Variants in GSS observed in about 807,000 individuals in gnomAD.
The protein encoded by GSS is glutathione synthetase, also known as GSH synthetase.
GSS carries 34 observed loss-of-function variants against 60.4 expected under a neutral mutation model. That is an observed-to-expected ratio of 0.56 (90% CI 0.43 to 0.75). GSS has a LOEUF of 0.75. Ranked by LOEUF, GSS falls within the 30% of genes least tolerant of loss-of-function variation. The probability of loss-of-function intolerance (pLI) is 0.00; values close to 1 mark genes in which losing one functional copy is unlikely to be tolerated. For missense variants in GSS, 499 were observed against 595.1 expected (o/e 0.84, Z 1.68); for synonymous variants, 224 against 239.0 (o/e 0.94, Z 0.58).
rs761942104 is a variant in GSS at position 34,945,950 on chromosome 20, T to C, written c.275+3A>G. The C allele has an allele frequency of 6.2e-7, 1 of 1,613,914 alleles. No homozygotes were observed. ...GGCCCCCCAATGCTTCACTGTCCCC[T>C]ACCTGGAAAGAGTTTGCTCCAGGAA... is the stretch of plus-strand genomic sequence containing the variant. On this transcript the variant is annotated splice_donor_region_variant and intron_variant, in intron 3 of 12. Transcript: ENST00000651619.
Position 34,929,463 on chromosome 20 carries a change from AG to A in GSS, c.1238del (p.Pro413LeufsTer28). ...PEPFENCLLRPGSPARVVQCI... is the reference protein window; with the variant it reads ...PEPFENCLLRXGSPARVVQCI... Reference sequence around the variant, plus strand: ...ACTGGACCACTCGGGCAGGGCTGCCAGGCCGTAGCAGGCAATTCTCAAAAGG... The same window carrying A: ...ACTGGACCACTCGGGCAGGGCTGCCAGCCGTAGCAGGCAATTCTCAAAAGG... On this transcript the variant is annotated frameshift_variant, in exon 12 of 13. Transcript: ENST00000651619. LOFTEE classifies it high-confidence loss of function. The A allele has an allele frequency of 6.2e-7, 1 of 1,614,082 alleles. No individual in the cohort carries two copies. The highest frequency in any genetic ancestry group is 8.5e-7 in the Non-Finnish European group (1 of 1,179,934).
rs35747685 is a variant in GSS, at chr20:34,928,738, T to C, written c.*90A>G. 1,725 of 1,445,878 alleles carry C rather than the reference T, an allele frequency of 1.2e-3. 16 individuals carry two copies. In the African/African-American group the frequency reaches 0.018, roughly 15 times the overall value. 89.6% of individuals were successfully genotyped at this position (1,445,878 alleles called of 1,614,324 possible). A position where few individuals can be genotyped will look rare whatever the true frequency, so the allele number is the denominator to read the frequency against. ...CAGTATTTACCCTTCCATAAAAACTTTGGAGGTCTTTAGGAGGATACCCCT... is the reference window on the plus strand; with the variant it reads ...CAGTATTTACCCTTCCATAAAAACTCTGGAGGTCTTTAGGAGGATACCCCT... On this transcript the variant is annotated 3_prime_UTR_variant, in exon 13 of 13. Coordinates refer to ENST00000651619, the MANE Select transcript of GSS (RefSeq NM_000178.4).
At chr20:34,937,486 T>C (rs768511221) in intron 6 of GSS, among the ~76,000 whole-genome samples, 8 of 152,112 alleles carry the variant, frequency 5.3e-5, no homozygotes, top group African/African-American at 1.2e-4. Context: ...TATTACTAGA[T>C]TGTAAAGGAT....
intron 5 of GSS, 50 bp from the exon 6 acceptor site, chr20:34,941,879 C>A: frequency 1.0e-6 from 1 of 1,002,310 alleles, no homozygotes; most frequent in Non-Finnish European, 1.6e-6. Context: ...CTGGAAGACC[C>A]CTCTGCCCAT....
intron 4 of GSS, 107 bp from the exon 5 acceptor site, chr20:34,942,734 C>A: frequency 8.6e-7 from 1 of 1,165,508 alleles, no homozygotes; most frequent in East Asian, 2.4e-5. Context: ...TTAGAGGTAC[C>A]AGCAAACACT....
chr20:34,953,638 C>T (rs1330841752), intron 1 of GSS, among the ~76,000 whole-genome samples: 1 of 129,372 alleles, frequency 7.7e-6, no homozygotes, highest in East Asian at 2.3e-4. Flanking sequence ...TTTTTTTTGA[C>T]GGAGTCTGGC....
chr20:34,941,215 T>A (rs1278790558), intron 6 of GSS, among the ~76,000 whole-genome samples: 1 of 151,986 alleles, frequency 6.6e-6, no homozygotes, highest in East Asian at 1.9e-4. Context: ...ATTAGCCAGG[T>A]GTGGCAGCAT....
Position 34,953,925 on chromosome 20 carries a change from G to A in GSS, c.-9+1802C>T, listed in dbSNP as rs559865758. Among the ~76,000 whole-genome samples the A allele has an allele frequency of 3.3e-5, 5 of 152,250 alleles. No homozygotes were observed. The East Asian group carries it at 9.6e-4, about 29-fold the overall frequency. ...CCCAGCCGACTTCCCTTTCAAGTAA[G>A]ATTGCTGTGTGGATTAAAAGAGAAA... On this transcript the variant is annotated intron_variant, in intron 1 of 12. Transcript: ENST00000651619.
intron 3 of GSS, among the ~76,000 whole-genome samples, chr20:34,945,000 T>G (rs568509530): frequency 8.6e-5 from 13 of 151,798 alleles, no homozygotes; most frequent in Non-Finnish European, 1.8e-4. Flanking sequence ...ACAATGAATA[T>G]ATATACATAT....
At chr20:34,945,842 T>C (rs1383242823) in intron 3 of GSS, 111 bp downstream of exon 3, 1 of 1,189,384 alleles carries the variant, frequency 8.4e-7, no homozygotes, top group Non-Finnish European at 1.2e-6. Flanking sequence ...TGGAGGTACC[T>C]TTCCTCTATC....
intron 3 of GSS, among the ~76,000 whole-genome samples, chr20:34,945,666 G>A (rs2081515192): frequency 1.7e-5 from 1 of 58,400 alleles, no homozygotes; most frequent in African/African-American, 7.2e-5. Context: ...ACGGATTACA[G>A]AATGTCAACA....
rs376956941 is a variant in GSS at position 34,931,227 on chromosome 20, A to G, written c.1111+109T>C. 1,257 of 890,436 alleles carry G rather than the reference A, an allele frequency of 1.4e-3. 23 individuals are homozygous for G. In the South Asian group the frequency reaches 0.017, roughly 12 times the overall value. The allele number at this position is 890,436 out of a possible 1,614,324, so 55.2% of individuals were successfully genotyped here. Reference sequence around the variant, plus strand: ...CAACATGTGGCCTGTGTCAGTTCCAATAGTTTCCCCCATGCCCGGGACTGT... The same window carrying G: ...CAACATGTGGCCTGTGTCAGTTCCAGTAGTTTCCCCCATGCCCGGGACTGT... On this transcript the variant is annotated intron_variant, in intron 11 of 12. Coordinates refer to ENST00000651619, the MANE Select transcript of GSS (RefSeq NM_000178.4).
At chr20:34,950,066 T>C (rs2081556629) in intron 2 of GSS, 1 of 118,960 alleles carries the variant, frequency 8.4e-6, no homozygotes. Context: ...CTGACTTTTT[T>C]TCTGGATTAG....
In GSS at chr20:34,931,655, T is replaced by C; in HGVS notation, c.1030-238A>G. On this transcript the variant is annotated intron_variant, in intron 10 of 12. Coordinates refer to ENST00000651619, the MANE Select transcript of GSS (RefSeq NM_000178.4). ...GCTCAGGGCTCTGCAGCAGGCAGCC[T>C]GATACACTTCTCAATTCTTGCCACC... is the stretch of plus-strand genomic sequence containing the variant. 4.8e-6 allele frequency: 3 copies of C among 629,324 alleles called. No individual in the cohort carries two copies. The South Asian group carries it at 5.6e-5, about 12-fold the overall frequency. 39.0% of individuals were successfully genotyped at this position (629,324 alleles called of 1,614,324 possible).
At chr20:34,932,396 G>A (rs563405245) in intron 9 of GSS, among the ~76,000 whole-genome samples, 3 of 152,274 alleles carry the variant, frequency 2.0e-5, no homozygotes, top group African/African-American at 4.8e-5. Context: ...ATTTGTCTAC[G>A]TGCTCAGCTT....
At chr20:34,934,229 C>T (rs1206395227) in intron 9 of GSS, 2 of 150,950 alleles carry the variant, frequency 1.3e-5, no homozygotes, top group Non-Finnish European at 3.0e-5. Flanking sequence ...TCCTTGTTAT[C>T]TCAAACTCTT....
At chr20:34,954,952 G>C (rs2081608800) in intron 1 of GSS, 1 of 152,612 alleles carries the variant, frequency 6.6e-6, no homozygotes, top group South Asian at 2.1e-4. Flanking sequence ...GCCTAGCCCC[G>C]GCCACTGTCA....
chr20:34,931,344 T>A lies in GSS; in HGVS notation c.1103A>T (p.Glu368Val), dbSNP rs2081399422. Residue 368 changes from glutamate (E) to valine (V), a missense_variant, in exon 11 of 13, where the codon GAG (glutamate) becomes GTG (valine). Physicochemically the swap from Glu to Val is moderately radical, Grantham distance 121 (BLOSUM62 -2). Transcript: ENST00000651619. ...AAGGGAGATCCACCTACCTCCACCC[T>A]CTCTCTGGGGCTTTAGCACAAACCG... Reference protein sequence around the residue: ...PSRFVLKPQREGGGNNLYGEE... With the variant: ...PSRFVLKPQRVGGGNNLYGEE... The A allele has an allele frequency of 6.2e-7, 1 of 1,613,324 alleles. No individual in the cohort carries two copies. Among genetic ancestry groups the A allele is most frequent in the Non-Finnish European group, 8.5e-7 (1 of 1,179,432 alleles).
At position 34,929,678 on chromosome 20, in the gene GSS, G is replaced by C. The variant is rs2081384625; in HGVS notation, c.1112-88C>G. On this transcript the variant is annotated intron_variant, in intron 11 of 12. Coordinates refer to ENST00000651619, the MANE Select transcript of GSS (RefSeq NM_000178.4). The stretch of plus-strand genomic sequence containing the variant: ...CTTTTGGGGCCACATGGGCAAGTCA[G>C]CAGCCTCAGTTCCTGGCACCCGCTC... 8 of 1,167,318 alleles carry C rather than the reference G, an allele frequency of 6.9e-6. No homozygotes were observed. In the East Asian group the frequency reaches 1.9e-4, roughly 27 times the overall value. 72.3% of individuals were successfully genotyped at this position (1,167,318 alleles called of 1,614,324 possible).
Sources: gnomAD v4.1 joint callset for allele counts (sites outside exome capture counted in the v4.1 genomes callset) on GRCh38, gnomAD v4.1.1 for gene constraint, MANE v1.5 for transcripts, NCBI Gene and HGNC (gene_info 2026-07-23, HGNC 2026-07-21) for gene names.